GXYLT1: variants seen among roughly 807,000 people sequenced by gnomAD.
GXYLT1 encodes glucoside xylosyltransferase 1, also known as glycosyltransferase 8 domain containing 3.
Under a neutral mutation model 54.0 loss-of-function variants are expected in GXYLT1, and 29 were observed. The ratio of observed to expected loss-of-function variants is 0.54; its 90% CI spans 0.40 to 0.73. The LOEUF is 0.73. Ranked by LOEUF, GXYLT1 falls within the 30% of genes least tolerant of loss-of-function variation. The pLI is 0.00. For missense variants in GXYLT1, 490 were observed against 553.4 expected, an observed-to-expected ratio of 0.89 and a Z score of 1.15; for synonymous variants, 176 against 204.1, an observed-to-expected ratio of 0.86 and a Z score of 1.17.
At chr12:42,118,728 GGTTT>G (rs2065511763) in intron 3 of GXYLT1, among the ~76,000 whole-genome samples, 1 of 152,144 alleles carries the variant, frequency 6.6e-6, no homozygotes, top group African/African-American at 2.4e-5. Flanking sequence ...GAGGTCTCAT[GGTTT>G]AAAAGTGTGG....
intron 5 of GXYLT1, among the ~76,000 whole-genome samples, chr12:42,098,966 A>G (rs188491328): frequency 5.6e-4 from 85 of 152,110 alleles, no homozygotes; most frequent in African/African-American, 2.0e-3. Context: ...ATAAAGTCAA[A>G]GAAGATTTGC....
chr12:42,144,524 C>CGGCTTCCCGCCACCGCCGCCCGT lies in GXYLT1; in HGVS notation c.100_122dup (p.Gln42ArgfsTer24). On this transcript the variant is annotated frameshift_variant, in exon 1 of 8. Coordinates refer to ENST00000398675, the MANE Select transcript of GXYLT1 (RefSeq NM_173601.2). LOFTEE classifies it high-confidence loss of function. ...CGAGCCAGGAAGCCACCGCGGCCTG[C>CGGCTTCCCGCCACCGCCGCCCGT]GGCTTCCCGCCACCGCCGCCCGTTC... The CGGCTTCCCGCCACCGCCGCCCGT allele has an allele frequency of 5.6e-6, 8 of 1,421,118 alleles. No individual in the cohort carries two copies. The highest frequency in any genetic ancestry group is 7.4e-6 in the Non-Finnish European group (8 of 1,083,934). 88.0% of individuals were successfully genotyped at this position (1,421,118 alleles called of 1,614,324 possible). A position where few individuals can be genotyped will look rare whatever the true frequency, so the allele number is the denominator to read the frequency against.
At chr12:42,134,902 A>T (rs2065611157) in intron 1 of GXYLT1, among the ~76,000 whole-genome samples, 1 of 152,192 alleles carries the variant, frequency 6.6e-6, no homozygotes, top group African/African-American at 2.4e-5. Flanking sequence ...ACCTTCTTGC[A>T]TCAATTAGTC....
Position 42,085,505 on chromosome 12 carries a change from A to G in GXYLT1, c.*2281T>C, listed in dbSNP as rs1215282923. The G allele has an allele frequency of 6.6e-6, 1 of 152,272 alleles. No individual in the cohort carries two copies. The highest frequency in any genetic ancestry group is 1.5e-5 in the Non-Finnish European group (1 of 68,048). 9.4% of individuals were successfully genotyped at this position (152,272 alleles called of 1,614,324 possible). A position where few individuals can be genotyped will look rare whatever the true frequency, so the allele number is the denominator to read the frequency against. On this transcript the variant is annotated 3_prime_UTR_variant, in exon 8 of 8. Coordinates refer to ENST00000398675, the MANE Select transcript of GXYLT1 (RefSeq NM_173601.2). Reference sequence around the variant, plus strand: ...TCATTAACCCCAAATGCTTCCTCTAATATTTCAAAATCACATTTATAATCC... The same window carrying G: ...TCATTAACCCCAAATGCTTCCTCTAGTATTTCAAAATCACATTTATAATCC...
intron 3 of GXYLT1, among the ~76,000 whole-genome samples, chr12:42,110,353 T>C (rs1241550207): frequency 6.6e-6 from 1 of 152,228 alleles, no homozygotes; most frequent in East Asian, 1.9e-4. Flanking sequence ...GAATTACTGA[T>C]TCAAATTTCC....
rs1215091531 is a variant in GXYLT1, at chr12:42,085,025, T to C, written c.*2761A>G. 1 of 152,240 alleles carries C rather than the reference T, an allele frequency of 6.6e-6. No homozygotes were observed. The highest frequency in any genetic ancestry group is 2.4e-5 in the African/African-American group (1 of 41,456). The allele number at this position is 152,240 out of a possible 1,614,324, so 9.4% of individuals were successfully genotyped here. On this transcript the variant is annotated 3_prime_UTR_variant, in exon 8 of 8. Transcript: ENST00000398675. ...TTATGAAAGACCATTTATATGAAGA[T>C]GGAATACGTTCTCTAAGTTGTCCAT...
At position 42,086,512 on chromosome 12, in the gene GXYLT1, A is replaced by C. The variant is rs545980875; in HGVS notation, c.*1274T>G. The C allele has an allele frequency of 6.7e-6, 1 of 149,588 alleles. No homozygotes were observed. The highest frequency in any genetic ancestry group is 1.5e-5 in the Non-Finnish European group (1 of 67,200). 9.3% of individuals were successfully genotyped at this position (149,588 alleles called of 1,614,324 possible). A position where few individuals can be genotyped will look rare whatever the true frequency, so the allele number is the denominator to read the frequency against. On this transcript the variant is annotated 3_prime_UTR_variant, in exon 8 of 8. Transcript: ENST00000398675. ...AGAAAAAGAAGATAACCATATAGAT[A>C]ATCATATTGTTGGTAAAATAAGATA...
chr12:42,092,748 A>C (rs2065335774), intron 7 of GXYLT1, among the ~76,000 whole-genome samples: 2 of 152,012 alleles, frequency 1.3e-5, no homozygotes, highest in South Asian at 4.2e-4. Flanking sequence ...AACCTGTAGC[A>C]AAAAAAACTG....
At chr12:42,103,744 G>A (rs1454213964) in intron 5 of GXYLT1, among the ~76,000 whole-genome samples, 4 of 152,024 alleles carry the variant, frequency 2.6e-5, no homozygotes, top group African/African-American at 9.7e-5. Context: ...AATTATACCT[G>A]CCAAATTAAC....
intron 7 of GXYLT1, among the ~76,000 whole-genome samples, chr12:42,092,595 A>C (rs1044271941): frequency 2.0e-5 from 3 of 152,188 alleles, no homozygotes; most frequent in African/African-American, 4.8e-5. Flanking sequence ...GAAAAGAGAA[A>C]ACAGACAACT....
At chr12:42,140,534 TTCTC>T (rs1270110204) in intron 1 of GXYLT1, among the ~76,000 whole-genome samples, 27 of 151,366 alleles carry the variant, frequency 1.8e-4, no homozygotes, top group South Asian at 4.3e-4. Flanking sequence ...TATCATACTG[TTCTC>T]TCTGATGACG....
intron 7 of GXYLT1, among the ~76,000 whole-genome samples, chr12:42,090,707 T>C (rs1342546081): frequency 6.6e-6 from 1 of 152,244 alleles, no homozygotes; most frequent in Non-Finnish European, 1.5e-5. Flanking sequence ...GTGTTCACTA[T>C]ATGCAAGTCA....
rs2065416869 is a variant in GXYLT1, at chr12:42,105,896, A to G, written c.786T>C (p.His262=). The G allele has an allele frequency of 3.1e-6, 5 of 1,613,674 alleles. No individual in the cohort carries two copies. The highest frequency in any genetic ancestry group is 4.2e-6 in the Non-Finnish European group (5 of 1,179,618). ...TTACTCCAGTTTTTCCATAATATGGATGCCTAGCAAAGCGATTATACCATC... is the reference window on the plus strand; with the variant it reads ...TTACTCCAGTTTTTCCATAATATGGGTGCCTAGCAAAGCGATTATACCATC... ...RIGWYNRFAR[H]PYYGKTGVNS... is the part of the protein sequence containing the mutation. Residue 262 remains histidine (H), a synonymous_variant, in exon 5 of 8, where the codon CAT becomes CAC. Transcript: ENST00000398675.
intron 3 of GXYLT1, among the ~76,000 whole-genome samples, chr12:42,114,495 T>C (rs1421977385): frequency 3.9e-5 from 6 of 152,100 alleles, no homozygotes; most frequent in Non-Finnish European, 8.8e-5. Context: ...GACAATACTA[T>C]AAAGACCTCT....
At chr12:42,127,392 T>C (rs1456133280) in intron 2 of GXYLT1, among the ~76,000 whole-genome samples, 1 of 152,214 alleles carries the variant, frequency 6.6e-6, no homozygotes, top group African/African-American at 2.4e-5. Context: ...GGATGCAATA[T>C]TACGGGTAGA....
intron 1 of GXYLT1, among the ~76,000 whole-genome samples, chr12:42,136,134 G>C (rs144042497): frequency 6.6e-6 from 1 of 152,104 alleles, no homozygotes. Flanking sequence ...AAACTGGTTT[G>C]GGAGATTTAG....
In GXYLT1 at chr12:42,110,416, T is replaced by C. The variant is rs192644280; in HGVS notation, c.487-725A>G. On this transcript the variant is annotated intron_variant, in intron 3 of 7. Transcript: ENST00000398675. ...GGGGGAAAAAACTAAGTAGTTTATG[T>C]ACAGGCTGAATAAAATCTCTTTTGA... 9.2e-5 allele frequency among the ~76,000 whole-genome samples: 14 copies of C among 152,362 alleles called. No homozygotes were observed. In the East Asian group the frequency reaches 2.7e-3, roughly 29 times the overall value.
chr12:42,109,789 G>C, intron 3 of GXYLT1, 98 bp from the exon 4 acceptor site: 2 of 713,278 alleles, frequency 2.8e-6, no homozygotes, highest in Non-Finnish European at 4.5e-6. Flanking sequence ...TAAAAATTAA[G>C]ATAATATACA....
chr12:42,115,698 A>G (rs1314691340), intron 3 of GXYLT1, among the ~76,000 whole-genome samples: 3 of 152,094 alleles, frequency 2.0e-5, no homozygotes, highest in Non-Finnish European at 4.4e-5. Flanking sequence ...GAAAATGGCC[A>G]TACTGCCCAA....
Sources: gnomAD v4.1 joint callset for allele counts (sites outside exome capture counted in the v4.1 genomes callset) on GRCh38, gnomAD v4.1.1 for gene constraint, MANE v1.5 for transcripts, NCBI Gene and HGNC (gene_info 2026-07-23, HGNC 2026-07-21) for gene names.